The following UNC5B variants were observed in gnomAD, a reference collection of about 807,000 sequenced individuals.
The protein encoded by UNC5B is netrin receptor UNC5B.
UNC5B carries 56 observed loss-of-function variants against 103.7 expected under a neutral mutation model. That is an observed-to-expected ratio of 0.54 (90% confidence interval 0.44 to 0.67). The LOEUF (loss-of-function observed/expected upper bound fraction) is 0.67, where lower values mean the gene tolerates loss of function less well. Ranked by LOEUF, UNC5B falls within the 30% of genes least tolerant of loss-of-function variation. The pLI is 0.00. For synonymous variants in UNC5B, 577 were observed against 542.0 expected (o/e 1.06, Z -0.90); for missense variants, 1,194 against 1,284.5 (o/e 0.93, Z 1.08).
In UNC5B at chr10:71,293,862, C is replaced by T. The variant is rs760434239; in HGVS notation, c.2104C>T (p.Pro702Ser). The part of the protein sequence containing the change: ...VKRLQLAVFA[P>S]ALCTSLEYSL... ...GCGGCTCCAGCTGGCCGTCTTCGCCCCCGCCCTCTGCACCTCCCTGGAGTA... is the reference window on the plus strand; with the variant it reads ...GCGGCTCCAGCTGGCCGTCTTCGCCTCCGCCCTCTGCACCTCCCTGGAGTA... The change falls in exon 13 of 17, where the codon CCC (proline) becomes TCC (serine). Residue 702 changes from proline (P) to serine (S), a missense_variant. Transcript: ENST00000335350. 1.9e-6 allele frequency: 3 copies of T among 1,609,062 alleles called. No individual in the cohort carries two copies. In the South Asian group the frequency reaches 3.3e-5, roughly 18 times the overall value.
intron 1 of UNC5B, among the ~76,000 whole-genome samples, chr10:71,249,973 G>A (rs914622710): frequency 6.6e-6 from 1 of 152,166 alleles, no homozygotes; most frequent in Non-Finnish European, 1.5e-5. Context: ...ATATGTTTAG[G>A]CTCAGGAGAA....
chr10:71,291,197 A>G, intron 9 of UNC5B, 88 bp downstream of exon 9: 1 of 1,473,820 alleles, frequency 6.8e-7, no homozygotes, highest in East Asian at 2.3e-5. Flanking sequence ...CAGGCTCCTG[A>G]CTCCCTCCCA....
Position 71,288,509 on chromosome 10 carries a change from A to G in UNC5B, c.902-59A>G. The G allele has an allele frequency of 1.9e-6, 3 of 1,574,776 alleles. No homozygotes were observed. In the South Asian group the frequency reaches 3.5e-5, roughly 18 times the overall value. ...TGGCACATTGCTCTGTTCTGCACAC[A>G]TAACTATGTGTGCACATGTCTCTGC... On this transcript the variant is annotated intron_variant, in intron 6 of 16. Coordinates refer to ENST00000335350, the MANE Select transcript of UNC5B (RefSeq NM_170744.5).
chr10:71,296,454 T>C, intron 14 of UNC5B, 124 bp from the exon 15 acceptor site: 1 of 1,137,652 alleles, frequency 8.8e-7, no homozygotes, highest in Non-Finnish European at 1.2e-6. Context: ...ACTTGACCCC[T>C]CCCTATCTGG....
intron 1 of UNC5B, among the ~76,000 whole-genome samples, chr10:71,276,980 C>A (rs776207741): frequency 2.6e-5 from 4 of 152,240 alleles, no homozygotes; most frequent in Non-Finnish European, 5.9e-5. Flanking sequence ...CCTGCCAAGG[C>A]CAGAGCTGAA....
intron 1 of UNC5B, among the ~76,000 whole-genome samples, chr10:71,244,863 A>G (rs1246773607): frequency 6.6e-6 from 1 of 152,184 alleles, no homozygotes; most frequent in East Asian, 1.9e-4. Context: ...CGACCATGGC[A>G]CGCAGACCGC....
intron 8 of UNC5B, among the ~76,000 whole-genome samples, chr10:71,290,565 T>C (rs1397272421): frequency 1.3e-5 from 2 of 152,218 alleles, no homozygotes; most frequent in Non-Finnish European, 2.9e-5. Context: ...CTCAGAGGTT[T>C]CAGCCCCAGC....
chr10:71,214,921 C>T (rs1843301012), intron 1 of UNC5B, among the ~76,000 whole-genome samples: 1 of 152,162 alleles, frequency 6.6e-6, no homozygotes, highest in Admixed American at 6.5e-5. Flanking sequence ...TTTGATTTCT[C>T]ACCAGCGAGC....
chr10:71,272,404 G>T (rs995441059), intron 1 of UNC5B, among the ~76,000 whole-genome samples: 2 of 152,174 alleles, frequency 1.3e-5, no homozygotes, highest in African/African-American at 4.8e-5. Flanking sequence ...ACAAAAGCCA[G>T]CGGTGGGGGT....
At chr10:71,267,307 A>G (rs1321829794) in intron 1 of UNC5B, among the ~76,000 whole-genome samples, 2 of 152,206 alleles carry the variant, frequency 1.3e-5, no homozygotes, top group Non-Finnish European at 2.9e-5. Flanking sequence ...ATTTCACCTC[A>G]AGAAGCGCAT....
At chr10:71,297,337 G>A (rs549188192) in intron 15 of UNC5B, among the ~76,000 whole-genome samples, 199 of 152,378 alleles carry the variant, frequency 1.3e-3, no homozygotes, top group African/African-American at 4.7e-3. Flanking sequence ...TTTAGGAAGG[G>A]CAAGGATTTG....
At chr10:71,285,520 C>T (rs1845053236) in intron 4 of UNC5B, 91 bp downstream of exon 4, 1 of 1,158,728 alleles carries the variant, frequency 8.6e-7, no homozygotes, top group African/African-American at 1.5e-5. Context: ...AGCCATGGTG[C>T]TAGTCTCCCA....
chr10:71,239,458 A>G (rs1843845017), intron 1 of UNC5B, among the ~76,000 whole-genome samples: 1 of 152,054 alleles, frequency 6.6e-6, no homozygotes, highest in African/African-American at 2.4e-5. Flanking sequence ...CTGAGCAGTT[A>G]GGGGCTCCTC....
intron 1 of UNC5B, among the ~76,000 whole-genome samples, chr10:71,225,754 A>C (rs563099263): frequency 1.3e-5 from 2 of 152,270 alleles, no homozygotes; most frequent in Non-Finnish European, 2.9e-5. Flanking sequence ...TTGCTCCCAC[A>C]CTGTTCAGAG....
Position 71,302,505 on chromosome 10 carries a change from G to A in UNC5B, c.*3228G>A, listed in dbSNP as rs148426328. The A allele has an allele frequency of 1.4e-3, 215 of 152,382 alleles. 1 individual carries two copies. The highest frequency in any genetic ancestry group is 8.7e-3 in the East Asian group (45 of 5,166). 9.4% of individuals were successfully genotyped at this position (152,382 alleles called of 1,614,324 possible). The stretch of plus-strand genomic sequence containing the variant: ...CTCTGCCTTCTCTCACAGTGCCCCC[G>A]GCTCCAGAGCTCAGGGGTAGGGGTT... On this transcript the variant is annotated 3_prime_UTR_variant, in exon 17 of 17. Coordinates refer to ENST00000335350, the MANE Select transcript of UNC5B (RefSeq NM_170744.5).
At chr10:71,292,606 C>T (rs528941445) in intron 11 of UNC5B, 52 bp downstream of exon 11, 87 of 1,509,428 alleles carry the variant, frequency 5.8e-5, no homozygotes, top group Admixed American at 7.8e-5. Flanking sequence ...TCCCTTGCTG[C>T]CTGCCCACAC....
Position 71,299,342 on chromosome 10 carries a change from C to T in UNC5B, c.*65C>T. ...CAGGTGCAGGGAGGCCTGGGGCAGC[C>T]TCCTGATGGGGATGTTTGGCCTCTG... On this transcript the variant is annotated 3_prime_UTR_variant, in exon 17 of 17. Coordinates refer to ENST00000335350, the MANE Select transcript of UNC5B (RefSeq NM_170744.5). 1.3e-6 allele frequency: 2 copies of T among 1,585,998 alleles called. No homozygotes were observed. The highest frequency in any genetic ancestry group is 1.7e-6 in the Non-Finnish European group (2 of 1,166,982).
At chr10:71,218,439 A>G (rs1843382757) in intron 1 of UNC5B, among the ~76,000 whole-genome samples, 1 of 152,158 alleles carries the variant, frequency 6.6e-6, no homozygotes, top group Non-Finnish European at 1.5e-5. Context: ...GACCCAGGCC[A>G]TTTGCCCATC....
chr10:71,250,165 G>GC (rs1844140301), intron 1 of UNC5B, among the ~76,000 whole-genome samples: 1 of 152,214 alleles, frequency 6.6e-6, no homozygotes, highest in Non-Finnish European at 1.5e-5. Context: ...ACCAGGTGGT[G>GC]CCCCAGGCCC....
Sources: gnomAD v4.1 joint callset for allele counts (sites outside exome capture counted in the v4.1 genomes callset) on GRCh38, gnomAD v4.1.1 for gene constraint, MANE v1.5 for transcripts, NCBI Gene and HGNC (gene_info 2026-07-23, HGNC 2026-07-21) for gene names.